Variants in NSL1 observed in about 807,000 individuals in gnomAD.
NSL1 encodes NSL1 component of MIS12 kinetochore complex.
A neutral mutation model predicts 25.4 loss-of-function variants in NSL1; 11 were observed. The observed-to-expected ratio is 0.43, with a 90% confidence interval of 0.27 to 0.72. NSL1 has a LOEUF of 0.72. Ranked by LOEUF, NSL1 falls within the 30% of genes least tolerant of loss-of-function variation. The pLI is 0.19. For missense variants in NSL1, 330 were observed against 342.7 expected (o/e 0.96, Z 0.29); for synonymous variants, 118 against 120.6 (o/e 0.98, Z 0.14).
intron 4 of NSL1, among the ~76,000 whole-genome samples, chr1:212,743,643 T>C (rs141453305): frequency 3.3e-5 from 5 of 152,190 alleles, no homozygotes; most frequent in Non-Finnish European, 5.9e-5. Flanking sequence ...TCATCAAAAA[T>C]GGTGGCATAG....
chr1:212,731,780 TCAGA>T lies in NSL1; in HGVS notation c.*6624_*6627del, dbSNP rs1353364518. On this transcript the variant is annotated 3_prime_UTR_variant, in exon 6 of 6. Transcript: ENST00000366977. ...CCCACTGCCATGTCAAAGCTGGTGT[TCAGA>T]CAGTCACACTGTTACAAACATATGG... The T allele has an allele frequency of 3.0e-6, 3 of 985,294 alleles. No individual in the cohort carries two copies. Among genetic ancestry groups the T allele is most frequent in the African/African-American group, 1.7e-5 (1 of 57,224 alleles). The allele number at this position is 985,294 out of a possible 1,614,324, so 61.0% of individuals were successfully genotyped here.
chr1:212,727,440 A>C lies in NSL1; in HGVS notation c.*10968T>G. The C allele has an allele frequency of 1.0e-6, 1 of 985,384 alleles. No homozygotes were observed. Among genetic ancestry groups the C allele is most frequent in the Non-Finnish European group, 1.2e-6 (1 of 829,932 alleles). The allele number at this position is 985,384 out of a possible 1,614,324, so 61.0% of individuals were successfully genotyped here. ...TACTCCTTGTAACAGACATTACCTA[A>C]ATTTGGAAAAGTGACACAATTTCAA... On this transcript the variant is annotated 3_prime_UTR_variant, in exon 6 of 6. Coordinates refer to ENST00000366977, the MANE Select transcript of NSL1 (RefSeq NM_015471.4).
intron 4 of NSL1, among the ~76,000 whole-genome samples, chr1:212,763,760 C>G (rs1343788166): frequency 2.0e-5 from 3 of 152,188 alleles, no homozygotes; most frequent in Non-Finnish European, 4.4e-5. Flanking sequence ...GCAACTAACA[C>G]TGGAGCTCCC....
chr1:212,731,679 A>T lies in NSL1; in HGVS notation c.*6729T>A. On this transcript the variant is annotated 3_prime_UTR_variant, in exon 6 of 6. Transcript: ENST00000366977. ...TCTTTATTCTGCTGCACTAAATTAT[A>T]TCCATATTGTATGATCTTGAATCAG... 1.0e-6 allele frequency: 1 copy of T among 985,396 alleles called. No individual in the cohort carries two copies. The highest frequency in any genetic ancestry group is 4.7e-5 in the South Asian group (1 of 21,286). 61.0% of individuals were successfully genotyped at this position (985,396 alleles called of 1,614,324 possible).
Position 212,728,020 on chromosome 1 carries a change from G to A in NSL1, c.*10388C>T, listed in dbSNP as rs1226860760. The A allele has an allele frequency of 5.1e-6, 5 of 985,314 alleles. No individual in the cohort carries two copies. The highest frequency in any genetic ancestry group is 2.3e-4 in the East Asian group (2 of 8,826). The allele number at this position is 985,314 out of a possible 1,614,324, so 61.0% of individuals were successfully genotyped here. A position where few individuals can be genotyped will look rare whatever the true frequency, so the allele number is the denominator to read the frequency against. Reference sequence around the variant, plus strand: ...TGGAAGCAGAGTTTGTGGTCAGAAGGCCTCGCTCTGCTCTACATGGTCTAT... The same window carrying A: ...TGGAAGCAGAGTTTGTGGTCAGAAGACCTCGCTCTGCTCTACATGGTCTAT... On this transcript the variant is annotated 3_prime_UTR_variant, in exon 6 of 6. Transcript: ENST00000366977.
chr1:212,784,242 C>T (rs1660847548), intron 3 of NSL1, 121 bp downstream of exon 3: 2 of 592,442 alleles, frequency 3.4e-6, no homozygotes, highest in Non-Finnish European at 5.7e-6. Flanking sequence ...ACAAACAATA[C>T]TAATTGAGGC....
At position 212,776,736 on chromosome 1, in the gene NSL1, AAC is replaced by A. The variant is rs1491529114; in HGVS notation, c.499+5634_499+5635del. On this transcript the variant is annotated intron_variant, in intron 4 of 5. Transcript: ENST00000366977. ...AACAAAACAAAACAACAACAACAAC[AAC>A]AAAAAAAACCAACAACAACAAAAAC... is the stretch of plus-strand genomic sequence containing the variant. Among the ~76,000 whole-genome samples, 749 of 129,948 alleles carry A rather than the reference AAC, an allele frequency of 5.8e-3. 3 individuals carry two copies. Among genetic ancestry groups the A allele is most frequent in the African/African-American group, 0.022 (714 of 32,704 alleles). 85.3% of individuals were successfully genotyped at this position (129,948 alleles called of 152,430 possible). A position where few individuals can be genotyped will look rare whatever the true frequency, so the allele number is the denominator to read the frequency against.
intron 1 of NSL1, among the ~76,000 whole-genome samples, chr1:212,790,936 A>AAAT (rs201083107): frequency 0.015 from 2,207 of 149,978 alleles, 55 homozygotes; most frequent in African/African-American, 0.053. Context: ...AAAAAAAAAT[A>AAAT]AAATAAAATA....
intron 1 of NSL1, 142 bp downstream of exon 1, chr1:212,791,388 T>C (rs1571935627): frequency 2.6e-6 from 2 of 755,308 alleles, no homozygotes; most frequent in Non-Finnish European, 2.3e-6. Flanking sequence ...CTTTCTCCTC[T>C]AGCGTTTCTC....
Position 212,730,211 on chromosome 1 carries a change from C to T in NSL1, c.*8197G>A. ...GTTGCAGTGAGTTGAGATCGCTCCA[C>T]TACACTCCAGCCTGGGTGACAGTCT... On this transcript the variant is annotated 3_prime_UTR_variant, in exon 6 of 6. Coordinates refer to ENST00000366977, the MANE Select transcript of NSL1 (RefSeq NM_015471.4). 1 of 946,506 alleles carries T rather than the reference C, an allele frequency of 1.1e-6. No homozygotes were observed. The highest frequency in any genetic ancestry group is 1.2e-6 in the Non-Finnish European group (1 of 816,070). The allele number at this position is 946,506 out of a possible 1,614,324, so 58.6% of individuals were successfully genotyped here. A position where few individuals can be genotyped will look rare whatever the true frequency, so the allele number is the denominator to read the frequency against.
chr1:212,762,578 G>C (rs1199525648), intron 4 of NSL1, among the ~76,000 whole-genome samples: 4 of 152,144 alleles, frequency 2.6e-5, no homozygotes. Context: ...CAAACCCTCT[G>C]AAAGAAGCAG....
chr1:212,791,217 C>T (rs1661236489), intron 1 of NSL1, among the ~76,000 whole-genome samples: 1 of 152,138 alleles, frequency 6.6e-6, no homozygotes, highest in Non-Finnish European at 1.5e-5. Flanking sequence ...TGTTAAAATA[C>T]CTTGGATTTA....
At chr1:212,770,282 C>T (rs1428426153) in intron 4 of NSL1, among the ~76,000 whole-genome samples, 3 of 151,930 alleles carry the variant, frequency 2.0e-5, no homozygotes, top group Non-Finnish European at 2.9e-5. Context: ...ATAAATGAAA[C>T]TGATAAATGG....
At chr1:212,772,484 T>A (rs1035430598) in intron 4 of NSL1, among the ~76,000 whole-genome samples, 2 of 151,878 alleles carry the variant, frequency 1.3e-5, no homozygotes, top group Admixed American at 6.6e-5. Flanking sequence ...GTGAAACTCT[T>A]GTTTCTACCA....
At position 212,751,113 on chromosome 1, in the gene NSL1, AT is replaced by A. The variant is rs772903627; in HGVS notation, c.500-11513del. ...AAAATACAAATATGAAATACTATTG[AT>A]TTTTTTTACAAGAATGAAAGATTAA... On this transcript the variant is annotated intron_variant, in intron 4 of 5. Coordinates refer to ENST00000366977, the MANE Select transcript of NSL1 (RefSeq NM_015471.4). Among the ~76,000 whole-genome samples, 6 of 152,028 alleles carry A rather than the reference AT, an allele frequency of 3.9e-5. No homozygotes were observed. In the South Asian group the frequency reaches 1.2e-3, roughly 32 times the overall value.
At chr1:212,771,833 C>T (rs535141275) in intron 4 of NSL1, among the ~76,000 whole-genome samples, 2 of 152,072 alleles carry the variant, frequency 1.3e-5, no homozygotes, top group Non-Finnish European at 1.5e-5. Context: ...AGGAAAACTA[C>T]AGTACACTAT....
In NSL1 at chr1:212,734,814, A is replaced by G. The variant is rs955189592; in HGVS notation, c.*3594T>C. 2.0e-5 allele frequency among the ~76,000 whole-genome samples: 3 copies of G among 152,152 alleles called. No individual in the cohort carries two copies. Among genetic ancestry groups the G allele is most frequent in the South Asian group, 2.1e-4 (1 of 4,824 alleles). On this transcript the variant is annotated 3_prime_UTR_variant, in exon 6 of 6. Coordinates refer to ENST00000366977, the MANE Select transcript of NSL1 (RefSeq NM_015471.4). The stretch of plus-strand genomic sequence containing the variant: ...CTACTCCCCTAAGTTCCACACATAC[A>G]TCTATCATACCATTTGCTGCATGGC...
chr1:212,782,788 G>C (rs3738801), intron 3 of NSL1, among the ~76,000 whole-genome samples: 3,468 of 152,254 alleles, frequency 0.023, 63 homozygotes, highest in South Asian at 0.041. Flanking sequence ...CAAGTGTTTA[G>C]AACTCAAAAT....
chr1:212,746,473 G>T (rs1293053152), intron 4 of NSL1, among the ~76,000 whole-genome samples: 2 of 152,102 alleles, frequency 1.3e-5, no homozygotes, highest in Non-Finnish European at 2.9e-5. Flanking sequence ...AAAGAAGACA[G>T]TAATGGAGGA....
Sources: gnomAD v4.1 joint callset for allele counts (sites outside exome capture counted in the v4.1 genomes callset) on GRCh38, gnomAD v4.1.1 for gene constraint, MANE v1.5 for transcripts, NCBI Gene and HGNC (gene_info 2026-07-23, HGNC 2026-07-21) for gene names.